PRKD2: variants seen among roughly 807,000 people sequenced by gnomAD.
PRKD2 encodes protein kinase D2.
Under a neutral mutation model 86.0 loss-of-function variants are expected in PRKD2, and 22 were observed. That is an observed-to-expected ratio of 0.26 (90% CI 0.18 to 0.37). The LOEUF (loss-of-function observed/expected upper bound fraction) is 0.37. Among genes scored for constraint, PRKD2 ranks in the 10% least tolerant of loss-of-function variants. The pLI, the probability that PRKD2 is intolerant of heterozygous loss-of-function variation, is 1.00. For missense variants in PRKD2, 818 were observed against 1,199.2 expected, an observed-to-expected ratio of 0.68 and a Z score of 4.70; for synonymous variants, 509 against 510.9, an observed-to-expected ratio of 1.00 and a Z score of 0.05.
At chr19:46,705,107 C>T (rs1451800748) in intron 3 of PRKD2, among the ~76,000 whole-genome samples, 1 of 151,964 alleles carries the variant, frequency 6.6e-6, no homozygotes, top group Non-Finnish European at 1.5e-5. Context: ...AGCTTGTAGC[C>T]CCGACATCAC....
chr19:46,704,587 G>C lies in PRKD2; in HGVS notation c.574C>G (p.Arg192Gly). 1 of 1,613,988 alleles carries C rather than the reference G, an allele frequency of 6.2e-7. No homozygotes were observed. Among genetic ancestry groups the C allele is most frequent in the South Asian group, 1.1e-5 (1 of 91,070 alleles). The stretch of plus-strand genomic sequence containing the variant: ...GACGTGGATGACAGGCGCCGTTTGC[G>C]GGCCCCACTACAGTTGTTGGGGATG... Reference protein sequence around the residue: ...FSIPNNCSGARKRRLSSTSLA... With the variant: ...FSIPNNCSGAGKRRLSSTSLA... The change falls in exon 4 of 18, where the codon CGC becomes GGC. Residue 192 changes from arginine (R) to glycine (G), a missense_variant. This residue lies in a region of PRKD2 where 403 missense variants were observed against 518.6 expected (regional missense o/e 0.78). Coordinates refer to ENST00000291281, the MANE Select transcript of PRKD2 (RefSeq NM_016457.5).
intron 8 of PRKD2, 52 bp from the exon 9 acceptor site, chr19:46,697,286 C>A: frequency 7.1e-7 from 1 of 1,400,914 alleles, no homozygotes; most frequent in Non-Finnish European, 1.0e-6. Context: ...CCTGCCCAGT[C>A]CCTATCCCGT....
chr19:46,689,905 T>C (rs1023686243), intron 13 of PRKD2, among the ~76,000 whole-genome samples: 4 of 152,154 alleles, frequency 2.6e-5, no homozygotes, highest in Admixed American at 2.0e-4. Flanking sequence ...GATCTTTTTT[T>C]TCTTTCTATT....
intron 3 of PRKD2, among the ~76,000 whole-genome samples, chr19:46,709,032 A>C (rs1268167862): frequency 7.2e-6 from 1 of 139,206 alleles, no homozygotes; most frequent in Non-Finnish European, 1.5e-5. Flanking sequence ...GCTGGAGTGC[A>C]GTGGCACGAT....
At position 46,678,627 on chromosome 19, in the gene PRKD2, C is replaced by A; in HGVS notation, c.2107G>T (p.Gly703Cys). 6.2e-7 allele frequency: 1 copy of A among 1,609,418 alleles called. No individual in the cohort carries two copies. Among genetic ancestry groups the A allele is most frequent in the South Asian group, 1.1e-5 (1 of 91,070 alleles). ...ACTGAGCGGCGGAACGACTTCTCGCCGATGATGCGAGCAAAGCCAAAGTCA... is the reference window on the plus strand; with the variant it reads ...ACTGAGCGGCGGAACGACTTCTCGCAGATGATGCGAGCAAAGCCAAAGTCA... ...LCDFGFARIIGEKSFRRSVVG... is the reference protein window; with the variant it reads ...LCDFGFARIICEKSFRRSVVG... Residue 703 changes from glycine (G) to cysteine (C), a missense_variant, in exon 16 of 18, where the codon GGC becomes TGC. Coordinates refer to ENST00000291281, the MANE Select transcript of PRKD2 (RefSeq NM_016457.5). The surrounding 1 kb of genome is among the most constrained non-coding windows in gnomAD (Gnocchi z 5.7).
At chr19:46,694,172 C>G in intron 9 of PRKD2, 39 bp from the exon 10 acceptor site, 1 of 1,601,538 alleles carries the variant, frequency 6.2e-7, no homozygotes, top group Non-Finnish European at 8.5e-7. Context: ...GGATGCCAGG[C>G]AGACCTTGGA....
At position 46,697,743 on chromosome 19, in the gene PRKD2, T is replaced by C. The variant is rs775838431; in HGVS notation, c.1229A>G (p.Lys410Arg). The C allele has an allele frequency of 1.2e-6, 2 of 1,613,712 alleles. No homozygotes were observed. The highest frequency in any genetic ancestry group is 1.7e-6 in the Non-Finnish European group (2 of 1,179,730). The change falls in exon 8 of 18, where the codon AAG becomes AGG. Residue 410 changes from lysine (K) to arginine (R), a missense_variant. Coordinates refer to ENST00000291281, the MANE Select transcript of PRKD2 (RefSeq NM_016457.5). Reference sequence around the variant, plus strand: ...GCCCCGGCCACTCACCAGCGTGTCCTTGTTGCTGTAATGAACCACCCAACC... The same window carrying C: ...GCCCCGGCCACTCACCAGCGTGTCCCTGTTGCTGTAATGAACCACCCAACC... ...REGWVVHYSNKDTLRKRHYWR... is the reference protein window; with the variant it reads ...REGWVVHYSNRDTLRKRHYWR...
chr19:46,711,055 G>T lies in PRKD2; in HGVS notation c.380-17C>A. 2 of 1,571,988 alleles carry T rather than the reference G, an allele frequency of 1.3e-6. No individual in the cohort carries two copies. Among genetic ancestry groups the T allele is most frequent in the East Asian group, 2.3e-5 (1 of 42,916 alleles). On this transcript the variant is annotated splice_polypyrimidine_tract_variant and intron_variant, in intron 2 of 17. Transcript: ENST00000291281. ...TGGCCGAGGCTGTAGGCGGAAAATA[G>T]GGGTGGATGCTTGAGGCGGGGTAGG...
At chr19:46,694,902 C>T (rs1256427247) in intron 9 of PRKD2, among the ~76,000 whole-genome samples, 1 of 151,884 alleles carries the variant, frequency 6.6e-6, no homozygotes, top group Non-Finnish European at 1.5e-5. Flanking sequence ...GAGACCCCAG[C>T]TCTACAAAAA....
rs34228000 is a variant in PRKD2, at chr19:46,686,481, TA to T, written c.1971+3055del. Among the ~76,000 whole-genome samples the T allele has an allele frequency of 6.8e-3, 919 of 134,292 alleles. 15 individuals carry two copies. The highest frequency in any genetic ancestry group is 0.017 in the African/African-American group (612 of 35,972). The allele number at this position is 134,292 out of a possible 152,430, so 88.1% of individuals were successfully genotyped here. On this transcript the variant is annotated intron_variant, in intron 14 of 17. Coordinates refer to ENST00000291281, the MANE Select transcript of PRKD2 (RefSeq NM_016457.5). ...CGAGACCTTGTCTCTACAAAAACAT[TA>T]AAAAAAAAAAAAAAAAAAATTAGCT...
At chr19:46,689,776 G>A in intron 13 of PRKD2, 78 bp from the exon 14 acceptor site, 1 of 1,528,210 alleles carries the variant, frequency 6.5e-7, no homozygotes, top group Non-Finnish European at 9.0e-7. Flanking sequence ...AGGAGCAGGA[G>A]GATGACAAAC....
chr19:46,696,533 G>A (rs1008754059), intron 9 of PRKD2, among the ~76,000 whole-genome samples: 5 of 152,102 alleles, frequency 3.3e-5, no homozygotes, highest in Non-Finnish European at 5.9e-5. Flanking sequence ...GCCGAGGGGG[G>A]CAGATCATGA....
At position 46,716,562 on chromosome 19, in the gene PRKD2, T is replaced by G; in HGVS notation, c.-192A>C. ...TGGGAAGGAGAGAAAGGCACTATAG[T>G]GGGTCAGAGGCCCGGAATCCAGGGC... On this transcript the variant is annotated 5_prime_UTR_variant, in exon 1 of 18. Transcript: ENST00000291281. The surrounding 1 kb of genome is among the most constrained non-coding windows in gnomAD (Gnocchi z 7.9). 6.9e-6 allele frequency: 3 copies of G among 435,962 alleles called. No homozygotes were observed. The highest frequency in any genetic ancestry group is 5.6e-5 in the South Asian group (1 of 17,920). The allele number at this position is 435,962 out of a possible 1,614,324, so 27.0% of individuals were successfully genotyped here.
intron 8 of PRKD2, 115 bp from the exon 9 acceptor site, chr19:46,697,349 T>A: frequency 1.3e-6 from 1 of 753,946 alleles, no homozygotes; most frequent in Non-Finnish European, 2.2e-6. Context: ...GCCGTAACTC[T>A]AGCACCTACC....
chr19:46,689,830 G>T, intron 13 of PRKD2, 132 bp from the exon 14 acceptor site: 1 of 1,062,462 alleles, frequency 9.4e-7, no homozygotes, highest in East Asian at 2.5e-5. Context: ...GGAGAGGGAA[G>T]GGGGCTTCCC....
At chr19:46,706,322 G>A (rs2053713668) in intron 3 of PRKD2, among the ~76,000 whole-genome samples, 1 of 152,172 alleles carries the variant, frequency 6.6e-6, no homozygotes, top group African/African-American at 2.4e-5. Context: ...TCCAGCCTTT[G>A]GGAGCCCTTC....
Position 46,713,850 on chromosome 19 carries a change from C to G in PRKD2, c.379+13G>C, listed in dbSNP as rs2053844086. 3.2e-6 allele frequency: 5 copies of G among 1,543,620 alleles called. No homozygotes were observed. The highest frequency in any genetic ancestry group is 3.5e-6 in the Non-Finnish European group (4 of 1,140,188). ...CCCGAGGCCCCGCCCCCAGGCCGGC[C>G]ACCACCTCTCACCCGACAGCACCAC... is the stretch of plus-strand genomic sequence containing the variant. On this transcript the variant is annotated intron_variant, in intron 2 of 17. Coordinates refer to ENST00000291281, the MANE Select transcript of PRKD2 (RefSeq NM_016457.5).
At position 46,716,330 on chromosome 19, in the gene PRKD2, G is replaced by A. The variant is rs758265254; in HGVS notation, c.41C>T (p.Ser14Phe). The A allele has an allele frequency of 7.4e-6, 11 of 1,485,606 alleles. No individual in the cohort carries two copies. Among genetic ancestry groups the A allele is most frequent in the Admixed American group, 2.4e-5 (1 of 41,496 alleles). 92.0% of individuals were successfully genotyped at this position (1,485,606 alleles called of 1,614,324 possible). A position where few individuals can be genotyped will look rare whatever the true frequency, so the allele number is the denominator to read the frequency against. ...GGGCGGAGGAGACCCCGGCCCGGGA[G>A]AGCCAGGGAGCCCGGCGGGATAAGA... Reference protein sequence around the residue: ...APSYPAGLPGSPGPGSPPPPG... With the variant: ...APSYPAGLPGFPGPGSPPPPG... The change falls in exon 1 of 18, where the codon TCT (serine) becomes TTT (phenylalanine). Residue 14 changes from serine to phenylalanine, a missense_variant. Physicochemically the swap from Ser to Phe is radical, Grantham distance 155 (BLOSUM62 -2). Around this residue, in one of 5 missense-constraint regions of PRKD2, gnomAD observed 403 missense variants for 518.6 expected, o/e 0.78. Transcript: ENST00000291281. This position sits in a 1 kb window ranked among gnomAD's most constrained non-coding sequence, Gnocchi z 7.9.
chr19:46,687,651 T>C (rs975779779), intron 14 of PRKD2, among the ~76,000 whole-genome samples: 1 of 151,764 alleles, frequency 6.6e-6, no homozygotes, highest in Admixed American at 6.6e-5. Flanking sequence ...AAGTGCTCAA[T>C]AAATGTTAGT....
Sources: gnomAD v4.1 joint callset for allele counts (sites outside exome capture counted in the v4.1 genomes callset) on GRCh38, gnomAD v4.1.1 for gene constraint, gnomAD v4.1.1 regional missense constraint, Gnocchi (gnomAD v3.1) non-coding constraint, MANE v1.5 for transcripts, NCBI Gene and HGNC (gene_info 2026-07-23, HGNC 2026-07-21) for gene names.